The following FRMD4A variants were observed in gnomAD, a reference collection of about 807,000 sequenced individuals.
The protein encoded by FRMD4A is FERM domain-containing protein 4A.
FRMD4A carries 29 observed loss-of-function variants against 129.1 expected under a neutral mutation model. That is an observed-to-expected ratio of 0.22 (90% CI 0.17 to 0.31). FRMD4A has a LOEUF of 0.31. Among genes scored for constraint, FRMD4A ranks in the 10% least tolerant of loss-of-function variants. The pLI, the probability that FRMD4A is intolerant of heterozygous loss-of-function variation, is 1.00. For synonymous variants in FRMD4A, 634 were observed against 571.6 expected (o/e 1.11, Z -1.56); for missense variants, 1,272 against 1,375.8 (o/e 0.92, Z 1.19).
intron 2 of FRMD4A, among the ~76,000 whole-genome samples, chr10:13,990,112 C>G (rs1288001558): frequency 6.6e-6 from 1 of 152,204 alleles, no homozygotes; most frequent in Non-Finnish European, 1.5e-5. Context: ...CTTAATCTCT[C>G]TCTATTCTCT....
At chr10:14,070,019 G>C (rs1006863739) in intron 2 of FRMD4A, among the ~76,000 whole-genome samples, 2 of 152,144 alleles carry the variant, frequency 1.3e-5, no homozygotes, top group East Asian at 3.9e-4. Flanking sequence ...TCTTCACCAG[G>C]ATGTTCTTGG....
chr10:14,021,939 G>A (rs1832776399), intron 2 of FRMD4A, among the ~76,000 whole-genome samples: 1 of 152,020 alleles, frequency 6.6e-6, no homozygotes. Context: ...ATGCAATCAT[G>A]AGATTTCTGC....
intron 4 of FRMD4A, among the ~76,000 whole-genome samples, chr10:13,810,013 T>A (rs2093419071): frequency 6.6e-6 from 1 of 152,214 alleles, no homozygotes; most frequent in African/African-American, 2.4e-5. Context: ...GCCTGGCCAC[T>A]AACCTAACAC....
chr10:13,812,610 C>T (rs1379992843), intron 3 of FRMD4A, among the ~76,000 whole-genome samples: 2 of 152,198 alleles, frequency 1.3e-5, no homozygotes, highest in African/African-American at 4.8e-5. Context: ...GGAGTAAGAG[C>T]TAGCGCTGAG....
rs565651354 is a variant in FRMD4A, at chr10:14,012,645, C to A, written c.46-153733G>T. Among the ~76,000 whole-genome samples, 6 of 152,252 alleles carry A rather than the reference C, an allele frequency of 3.9e-5. No homozygotes were observed. The East Asian group carries it at 1.2e-3, about 29-fold the overall frequency. On this transcript the variant is annotated intron_variant, in intron 2 of 24. Transcript: ENST00000357447. The stretch of plus-strand genomic sequence containing the variant: ...CAGACTCATAGATGAAGCCAGTGCC[C>A]GCGCGGATGCATGCTGAAAAGCCAC...
chr10:14,161,921 T>C (rs1337473245), intron 2 of FRMD4A, among the ~76,000 whole-genome samples: 1 of 152,032 alleles, frequency 6.6e-6, no homozygotes, highest in African/African-American at 2.4e-5. Context: ...GCCATGAATA[T>C]GTACAAATAT....
Position 13,660,500 on chromosome 10 carries a change from G to T in FRMD4A, c.1714C>A (p.Leu572Ile), listed in dbSNP as rs145701309. The part of the protein sequence containing the change: ...ISPLHSPHKG[L>I]PPRPPSHNRP... ...TTGTGCGACGGTGGCCGAGGAGGGAGTCCCTTGTGAGGAGAATGTAGGGGG... is the reference window on the plus strand; with the variant it reads ...TTGTGCGACGGTGGCCGAGGAGGGATTCCCTTGTGAGGAGAATGTAGGGGG... The change falls in exon 20 of 25, where the codon CTC becomes ATC. Residue 572 changes from leucine (L) to isoleucine (I), a missense_variant. Around this residue, in one of 2 missense-constraint regions of FRMD4A, gnomAD observed 972 missense variants for 892.3 expected, o/e 1.09. Coordinates refer to ENST00000357447, the MANE Select transcript of FRMD4A (RefSeq NM_018027.5). The T allele has an allele frequency of 1.9e-6, 3 of 1,613,924 alleles. No individual in the cohort carries two copies. In the African/African-American group the frequency reaches 4.0e-5, roughly 22 times the overall value.
Position 14,260,163 on chromosome 10 carries a change from G to A in FRMD4A, c.45+69895C>T, listed in dbSNP as rs148027805. On this transcript the variant is annotated intron_variant, in intron 2 of 24. Transcript: ENST00000357447. ...AGACATGATGTGTGCCAGAGCCCTC[G>A]GCAGGTGCAGTTTGGCTCCAGACCC... Among the ~76,000 whole-genome samples the A allele has an allele frequency of 3.8e-4, 58 of 152,178 alleles. No homozygotes were observed. The East Asian group carries it at 9.3e-3, about 24-fold the overall frequency.
intron 2 of FRMD4A, among the ~76,000 whole-genome samples, chr10:14,154,117 C>T (rs771922099): frequency 1.3e-5 from 2 of 152,130 alleles, no homozygotes; most frequent in African/African-American, 4.8e-5. Flanking sequence ...CTGGCAGTGA[C>T]GCCCGATAGG....
intron 2 of FRMD4A, among the ~76,000 whole-genome samples, chr10:14,132,842 T>C (rs1839332075): frequency 6.6e-6 from 1 of 152,142 alleles, no homozygotes; most frequent in African/African-American, 2.4e-5. Flanking sequence ...AACTATTTTA[T>C]CCTGCCTTAA....
intron 2 of FRMD4A, among the ~76,000 whole-genome samples, chr10:14,097,432 C>T (rs1362492420): frequency 6.6e-6 from 1 of 152,076 alleles, no homozygotes; most frequent in Non-Finnish European, 1.5e-5. Context: ...TTCTAGGCAA[C>T]TGTACTAAAT....
rs549906474 is a variant in FRMD4A, at chr10:13,963,679, G to A, written c.46-104767C>T. Among the ~76,000 whole-genome samples the A allele has an allele frequency of 1.1e-4, 16 of 152,254 alleles. No homozygotes were observed. In the East Asian group the frequency reaches 3.1e-3, roughly 29 times the overall value. On this transcript the variant is annotated intron_variant, in intron 2 of 24. Coordinates refer to ENST00000357447, the MANE Select transcript of FRMD4A (RefSeq NM_018027.5). Reference sequence around the variant, plus strand: ...TTATTCTAGAAGTTCTGTTTCAAAAGCATATTTTCTATAAAGAAGAAAACA... The same window carrying A: ...TTATTCTAGAAGTTCTGTTTCAAAAACATATTTTCTATAAAGAAGAAAACA...
At chr10:13,705,458 C>G (rs747997909) in intron 13 of FRMD4A, among the ~76,000 whole-genome samples, 4 of 152,190 alleles carry the variant, frequency 2.6e-5, no homozygotes, top group Non-Finnish European at 5.9e-5. Context: ...GGTCTATTCC[C>G]TGCGCTCAGC....
intron 13 of FRMD4A, among the ~76,000 whole-genome samples, chr10:13,706,316 C>T (rs1006137577): frequency 4.0e-5 from 6 of 151,866 alleles, no homozygotes; most frequent in Non-Finnish European, 7.4e-5. Flanking sequence ...TTAGGTCCAG[C>T]GGCAGACAAA....
chr10:14,166,684 C>T (rs1470112987), intron 2 of FRMD4A, among the ~76,000 whole-genome samples: 1 of 152,192 alleles, frequency 6.6e-6, no homozygotes, highest in African/African-American at 2.4e-5. Flanking sequence ...TATTATTACT[C>T]ACCCAAAGAA....
intron 2 of FRMD4A, among the ~76,000 whole-genome samples, chr10:13,864,219 C>G (rs572290459): frequency 6.6e-6 from 1 of 151,800 alleles, no homozygotes; most frequent in South Asian, 2.1e-4. Flanking sequence ...TGGTCTCGAA[C>G]TCCTGGCCTC....
intron 3 of FRMD4A, among the ~76,000 whole-genome samples, chr10:13,854,586 A>ATTTTTTT (rs34618985): frequency 6.9e-5 from 9 of 130,532 alleles, no homozygotes; most frequent in Non-Finnish European, 4.9e-5. Flanking sequence ...ACACCGAGCT[A>ATTTTTTT]TTTTTTTTTT....
chr10:14,047,885 A>T (rs145021316), intron 2 of FRMD4A, among the ~76,000 whole-genome samples: 18 of 152,310 alleles, frequency 1.2e-4, no homozygotes, highest in African/African-American at 4.3e-4. Context: ...GGGCCTGTGT[A>T]GACTATTGAA....
chr10:13,989,017 G>C (rs2095593225), intron 2 of FRMD4A, among the ~76,000 whole-genome samples: 1 of 145,198 alleles, frequency 6.9e-6, no homozygotes, highest in Non-Finnish European at 1.5e-5. Flanking sequence ...CTTTAGGACA[G>C]TGATTTTCAG....
Sources: gnomAD v4.1 joint callset for allele counts (sites outside exome capture counted in the v4.1 genomes callset) on GRCh38, gnomAD v4.1.1 for gene constraint, gnomAD v4.1.1 regional missense constraint, MANE v1.5 for transcripts, NCBI Gene and HGNC (gene_info 2026-07-23, HGNC 2026-07-21) for gene names.